OBSL1: variants seen among roughly 807,000 people sequenced by gnomAD.
OBSL1 encodes obscurin-like protein 1.
Under a neutral mutation model 172.0 loss-of-function variants are expected in OBSL1, and 160 were observed. The observed-to-expected ratio is 0.93, with a 90% confidence interval of 0.82 to 1.06. The LOEUF is 1.06. OBSL1 is among the 50% of genes least tolerant of loss of function. The pLI is 0.00. For missense variants in OBSL1, 2,681 were observed against 2,715.4 expected, an observed-to-expected ratio of 0.99 and a Z score of 0.28; for synonymous variants, 1,200 against 1,196.3, an observed-to-expected ratio of 1.00 and a Z score of -0.06.
chr2:219,552,568 C>G lies in OBSL1; in HGVS notation c.5276G>C (p.Arg1759Thr), dbSNP rs763905382. 6.3e-7 allele frequency: 1 copy of G among 1,595,624 alleles called. No individual in the cohort carries two copies. Among genetic ancestry groups the G allele is most frequent in the South Asian group, 1.1e-5 (1 of 89,956 alleles). ...GRWELGGRPL[R>T]PGARVRIRQE... ...TCGGATGCGGACGCGGGCTCCGGGT[C>G]TCAGCGGGCGGCCTCCGAGCTCCCA... Residue 1759 changes from arginine to threonine, a missense_variant, in exon 18 of 21, where the codon AGA becomes ACA. Arg to Thr is a moderately conservative substitution (Grantham distance 71, BLOSUM62 -1). Coordinates refer to ENST00000404537, the MANE Select transcript of OBSL1 (RefSeq NM_015311.3).
In OBSL1 at chr2:219,560,317, C is replaced by T. The variant is rs58030118; in HGVS notation, c.2954-820G>A. On this transcript the variant is annotated intron_variant, in intron 8 of 20. Transcript: ENST00000404537. ...TAGTGGCAGGAATTCCAAGCCAAGGCTTGCAGGAACTCAGTAATGCTTTTT... is the reference window on the plus strand; with the variant it reads ...TAGTGGCAGGAATTCCAAGCCAAGGTTTGCAGGAACTCAGTAATGCTTTTT... Among the ~76,000 whole-genome samples, 996 of 152,324 alleles carry T rather than the reference C, an allele frequency of 6.5e-3. 24 individuals are homozygous for T. In the East Asian group the frequency reaches 0.099, roughly 15 times the overall value.
At chr2:219,563,312 G>A in intron 7 of OBSL1, 43 bp downstream of exon 7, 1 of 1,510,286 alleles carries the variant, frequency 6.6e-7, no homozygotes, top group Non-Finnish European at 8.9e-7. Flanking sequence ...GTGGGAGCAG[G>A]GGCACCTTCC....
chr2:219,559,664 G>C (rs1252080655), intron 8 of OBSL1, 167 bp from the exon 9 acceptor site: 1 of 638,164 alleles, frequency 1.6e-6, no homozygotes. Context: ...CCTGGGGCCA[G>C]AGGGTGTTAC....
At position 219,557,589 on chromosome 2, in the gene OBSL1, C is replaced by G. The variant is rs1424707853; in HGVS notation, c.3820G>C (p.Ala1274Pro). 3.2e-6 allele frequency: 5 copies of G among 1,545,702 alleles called. No individual in the cohort carries two copies. Among genetic ancestry groups the G allele is most frequent in the Admixed American group, 2.0e-5 (1 of 50,616 alleles). The change falls in exon 12 of 21, where the codon GCA (alanine) becomes CCA (proline). Residue 1274 changes from alanine to proline, a missense_variant. By Grantham distance (27) the Ala-to-Pro change is conservative (BLOSUM62 -1). This residue lies in a region of OBSL1 where 1,765 missense variants were observed against 1,748.3 expected (regional missense o/e 1.01). Transcript: ENST00000404537. ...EPPVRVVAPE[A>P]AQTRVRSTPG... ...GTGCTCCGAACCCTCGTCTGGGCTG[C>G]CTCGGGAGCTACCACCCGCACAGGG...
In OBSL1 at chr2:219,559,372, G is replaced by T. The variant is rs1696292781; in HGVS notation, c.3079C>A (p.Leu1027Met). 6.2e-7 allele frequency: 1 copy of T among 1,613,820 alleles called. No individual in the cohort carries two copies. The highest frequency in any genetic ancestry group is 1.3e-5 in the African/African-American group (1 of 74,896). The change falls in exon 9 of 21, where the codon CTG (leucine) becomes ATG (methionine). Residue 1027 changes from leucine (L) to methionine (M), a missense_variant. Transcript: ENST00000404537. ...DAPVRWYKDGLEVEESEALVL... is the reference protein window; with the variant it reads ...DAPVRWYKDGMEVEESEALVL... ...AGGGCCTCGCTCTCCTCCACTTCCA[G>T]CCCATCCTTGTACCAGCGCACAGGG...
rs146477713 is a variant in OBSL1, at chr2:219,557,350, G to T, written c.4059C>A (p.Ser1353Arg). ...APQDSRIFLV[S>R]VEEPLLVKLV... Reference sequence around the variant, plus strand: ...TGAGGGGTACACTGTTACCTTCCACGCTGACAAGGAAGATGCGGCTGTCCT... The same window carrying T: ...TGAGGGGTACACTGTTACCTTCCACTCTGACAAGGAAGATGCGGCTGTCCT... Residue 1353 changes from serine to arginine, a missense_variant, in exon 12 of 21, where the codon AGC becomes AGA. Physicochemically the swap from Ser to Arg is moderately radical, Grantham distance 110. Transcript: ENST00000404537. 6.7e-7 allele frequency: 1 copy of T among 1,497,528 alleles called. No homozygotes were observed. Among genetic ancestry groups the T allele is most frequent in the Non-Finnish European group, 8.9e-7 (1 of 1,117,504 alleles). The allele number at this position is 1,497,528 out of a possible 1,614,324, so 92.8% of individuals were successfully genotyped here.
At chr2:219,558,810 C>T (rs1345157901) in intron 9 of OBSL1, among the ~76,000 whole-genome samples, 1 of 152,210 alleles carries the variant, frequency 6.6e-6, no homozygotes, top group African/African-American at 2.4e-5. Flanking sequence ...ATCCCCACTT[C>T]CTATCCCCTT....
At chr2:219,553,079 C>G (rs962258088) in intron 16 of OBSL1, 55 bp from the exon 17 acceptor site, 118 of 1,410,368 alleles carry the variant, frequency 8.4e-5, no homozygotes, top group Admixed American at 6.6e-5. Context: ...ACAGGCGACC[C>G]CGGCCCTGGC....
In OBSL1 at chr2:219,553,627, C is replaced by T. The variant is rs765176936; in HGVS notation, c.4936G>A (p.Ala1646Thr). Residue 1646 changes from alanine to threonine, a missense_variant, in exon 16 of 21, where the codon GCT becomes ACT. By Grantham distance (58) the Ala-to-Thr change is moderately conservative (BLOSUM62 0). Around this residue, in one of 5 missense-constraint regions of OBSL1, gnomAD observed 1,765 missense variants for 1,748.3 expected, o/e 1.01. Transcript: ENST00000404537. ...TGGGAAAGCTCGCACTCGAACGTAG[C>T]TGTGTCGCCCTCGGTCACCTCTAGG... ...HDLEVTEGDT[A>T]TFECELSQAL... is the part of the protein sequence containing the mutation. 1 of 1,613,964 alleles carries T rather than the reference C, an allele frequency of 6.2e-7. No homozygotes were observed. The highest frequency in any genetic ancestry group is 2.2e-5 in the East Asian group (1 of 44,868).
chr2:219,549,337 G>A (rs1213268689), downstream of OBSL1: 16 of 1,613,118 alleles, frequency 9.9e-6, no homozygotes, highest in Non-Finnish European at 1.4e-5. Context: ...ACGCTTCAAT[G>A]GAGACGTCCT....
rs895699918 is a variant in OBSL1, at chr2:219,562,736, C to T, written c.2681-62G>A. On this transcript the variant is annotated intron_variant, in intron 7 of 20. Coordinates refer to ENST00000404537, the MANE Select transcript of OBSL1 (RefSeq NM_015311.3). ...GTGTGCCCTGCCGTCCTCCCTGACCCCGTTGTGTTCCCTACCCCTGGAAAG... is the reference window on the plus strand; with the variant it reads ...GTGTGCCCTGCCGTCCTCCCTGACCTCGTTGTGTTCCCTACCCCTGGAAAG... 81 of 1,480,982 alleles carry T rather than the reference C, an allele frequency of 5.5e-5. No homozygotes were observed. In the African/African-American group the frequency reaches 1.1e-3, roughly 20 times the overall value. The allele number at this position is 1,480,982 out of a possible 1,614,324, so 91.7% of individuals were successfully genotyped here. A position where few individuals can be genotyped will look rare whatever the true frequency, so the allele number is the denominator to read the frequency against.
At position 219,568,458 on chromosome 2, in the gene OBSL1, A is replaced by G; in HGVS notation, c.1013-134T>C. The G allele has an allele frequency of 1.1e-6, 1 of 878,266 alleles. No homozygotes were observed. Among genetic ancestry groups the G allele is most frequent in the East Asian group, 2.7e-5 (1 of 37,412 alleles). 54.4% of individuals were successfully genotyped at this position (878,266 alleles called of 1,614,324 possible). On this transcript the variant is annotated intron_variant, in intron 1 of 20. Coordinates refer to ENST00000404537, the MANE Select transcript of OBSL1 (RefSeq NM_015311.3). The surrounding 1 kb of genome is among the most constrained non-coding windows in gnomAD (Gnocchi z 4.1). The stretch of plus-strand genomic sequence containing the variant: ...CAGCGGGCACTGTGGAATCACAGAA[A>G]ACTACCAGAAGGGAAGTGGTGGTTC...
intron 8 of OBSL1, among the ~76,000 whole-genome samples, chr2:219,562,192 G>C (rs1210086497): frequency 6.6e-5 from 10 of 152,204 alleles, no homozygotes. Flanking sequence ...TAAATGAGCT[G>C]TGGAGCAGAG....
intron 19 of OBSL1, 80 bp downstream of exon 19, chr2:219,552,032 G>A (rs992647128): frequency 2.1e-6 from 3 of 1,397,286 alleles, no homozygotes; most frequent in Non-Finnish European, 3.0e-6. Flanking sequence ...AGCGTTCTTG[G>A]GGCCAGCCCC....
In OBSL1 at chr2:219,568,246, A is replaced by G. The variant is rs1559156064; in HGVS notation, c.1091T>C (p.Val364Ala). 1.2e-6 allele frequency: 2 copies of G among 1,613,064 alleles called. No individual in the cohort carries two copies. The highest frequency in any genetic ancestry group is 1.7e-6 in the Non-Finnish European group (2 of 1,179,706). Residue 364 changes from valine to alanine, a missense_variant, in exon 2 of 21, where the codon GTA becomes GCA. Val to Ala is a moderately conservative substitution (Grantham distance 64). Coordinates refer to ENST00000404537, the MANE Select transcript of OBSL1 (RefSeq NM_015311.3). This position sits in a 1 kb window ranked among gnomAD's most constrained non-coding sequence, Gnocchi z 4.1. ...GGCCGTGGGGATGCGGGAGTTGGGT[A>G]CTTTACATTCCAGCACGGCAATCCC... ...EHGIAVLECK[V>A]PNSRIPTAWF...
At chr2:219,556,313 C>A in intron 13 of OBSL1, 21 bp from the exon 14 acceptor site, 1 of 1,571,054 alleles carries the variant, frequency 6.4e-7, no homozygotes, top group Non-Finnish European at 8.7e-7. Context: ...AGAAGGAGGC[C>A]ATGGAGTCTG....
rs767675273 is a variant in OBSL1, at chr2:219,563,520, G to T, written c.2515C>A (p.Arg839Ser). ...ACCTCCTGCCCGTCCTTGTACCAAC[G>T]CACAGGGGCGTCCTCTCGGTCCACC... is the stretch of plus-strand genomic sequence containing the variant. ...CEVDREDAPV[R>S]WYKDGQEVEE... Residue 839 changes from arginine (R) to serine (S), a missense_variant, in exon 7 of 21, where the codon CGT becomes AGT. Physicochemically the swap from Arg to Ser is moderately radical, Grantham distance 110. This residue lies in a region of OBSL1 where 1,765 missense variants were observed against 1,748.3 expected (regional missense o/e 1.01). Coordinates refer to ENST00000404537, the MANE Select transcript of OBSL1 (RefSeq NM_015311.3). 1.2e-6 allele frequency: 2 copies of T among 1,613,692 alleles called. No homozygotes were observed. Among genetic ancestry groups the T allele is most frequent in the Non-Finnish European group, 1.7e-6 (2 of 1,179,888 alleles).
chr2:219,563,659 A>G lies in OBSL1; in HGVS notation c.2408-32T>C, dbSNP rs2303543. ...GGGAAGCAGAGATGGCATTGCACAG[A>G]CACCCCCGCACAATGAGTCCAAACT... On this transcript the variant is annotated intron_variant, in intron 6 of 20. Transcript: ENST00000404537. 5.2e-4 allele frequency: 827 copies of G among 1,594,482 alleles called. 5 individuals are homozygous for G. The African/African-American group carries it at 9.6e-3, about 19-fold the overall frequency.
chr2:219,549,024 TG>T, downstream of OBSL1: 2 of 945,998 alleles, frequency 2.1e-6, no homozygotes, highest in Non-Finnish European at 1.6e-6. Flanking sequence ...AGTGACAGGG[TG>T]GGAGTAAGGG....
Sources: gnomAD v4.1 joint callset for allele counts (sites outside exome capture counted in the v4.1 genomes callset) on GRCh38, gnomAD v4.1.1 for gene constraint, gnomAD v4.1.1 regional missense constraint, Gnocchi (gnomAD v3.1) non-coding constraint, MANE v1.5 for transcripts, NCBI Gene and HGNC (gene_info 2026-07-23, HGNC 2026-07-21) for gene names.